The following NOL4 variants were observed in gnomAD, a reference collection of about 807,000 sequenced individuals.
NOL4 encodes the protein nucleolar protein 4.
Under a neutral mutation model 75.9 loss-of-function variants are expected in NOL4, and 17 were observed. That is an observed-to-expected ratio of 0.22 (90% CI 0.15 to 0.34). NOL4 has a LOEUF of 0.34. NOL4 is among the 10% of genes least tolerant of loss of function. The probability of loss-of-function intolerance (pLI) is 1.00; values close to 1 mark genes in which losing one functional copy is unlikely to be tolerated. For synonymous variants in NOL4, 292 were observed against 289.9 expected, an observed-to-expected ratio of 1.01 and a Z score of -0.07; for missense variants, 614 against 793.5, an observed-to-expected ratio of 0.77 and a Z score of 2.72.
At chr18:34,186,139 G>A (rs1332619695) in intron 1 of NOL4, among the ~76,000 whole-genome samples, 1 of 152,034 alleles carries the variant, frequency 6.6e-6, no homozygotes, top group African/African-American at 2.4e-5. Flanking sequence ...GTATTATTTA[G>A]CTCAAGTCTG....
intron 8 of NOL4, among the ~76,000 whole-genome samples, chr18:33,945,910 G>A (rs1209132601): frequency 2.0e-5 from 3 of 151,632 alleles, no homozygotes; most frequent in Non-Finnish European, 3.0e-5. Flanking sequence ...AATTGCAAAA[G>A]GACAAATTGA....
chr18:34,001,467 G>A (rs1600210971), intron 6 of NOL4, among the ~76,000 whole-genome samples: 1 of 152,094 alleles, frequency 6.6e-6, no homozygotes, highest in East Asian at 1.9e-4. Context: ...TAGAAATTGT[G>A]CTAAATATTA....
intron 5 of NOL4, among the ~76,000 whole-genome samples, chr18:34,056,335 C>T (rs186218830): frequency 4.2e-4 from 64 of 152,256 alleles, no homozygotes; most frequent in African/African-American, 1.4e-3. Context: ...ACTCTCAAAA[C>T]GTTTCTGAGG....
At chr18:33,902,935 T>C (rs1009586269) in intron 9 of NOL4, among the ~76,000 whole-genome samples, 5 of 152,174 alleles carry the variant, frequency 3.3e-5, no homozygotes, top group African/African-American at 1.2e-4. Context: ...ATTATCACAT[T>C]TGGTTAAATG....
chr18:34,032,950 G>T (rs2075712953), intron 5 of NOL4, among the ~76,000 whole-genome samples: 1 of 152,134 alleles, frequency 6.6e-6, no homozygotes, highest in Non-Finnish European at 1.5e-5. Flanking sequence ...TACTGATGAT[G>T]TTTACAGTCA....
rs189394681 is a variant in NOL4, at chr18:34,058,535, A to C, written c.772+34930T>G. On this transcript the variant is annotated intron_variant, in intron 5 of 10. Coordinates refer to ENST00000261592, the MANE Select transcript of NOL4 (RefSeq NM_003787.5). Reference sequence around the variant, plus strand: ...CTGCTGGCTTTCATGTCTTGAGTAAACTTTACTGGAAAAACCCTCACAGAC... The same window carrying C: ...CTGCTGGCTTTCATGTCTTGAGTAACCTTTACTGGAAAAACCCTCACAGAC... Among the ~76,000 whole-genome samples the C allele has an allele frequency of 3.9e-5, 6 of 152,168 alleles. No homozygotes were observed. The East Asian group carries it at 1.2e-3, about 29-fold the overall frequency.
chr18:34,192,519 A>C (rs1840720451), intron 1 of NOL4, among the ~76,000 whole-genome samples: 1 of 152,190 alleles, frequency 6.6e-6, no homozygotes, highest in African/African-American at 2.4e-5. Context: ...AGACACACAG[A>C]CCAACAGAGC....
intron 1 of NOL4, among the ~76,000 whole-genome samples, chr18:34,222,647 C>T (rs907893888): frequency 6.6e-6 from 1 of 152,202 alleles, no homozygotes; most frequent in Admixed American, 6.5e-5. Flanking sequence ...GCCAGGCGCC[C>T]AGAGAAGGAC....
At chr18:33,930,770 G>T (rs1599907234) in intron 9 of NOL4, among the ~76,000 whole-genome samples, 1 of 152,026 alleles carries the variant, frequency 6.6e-6, no homozygotes, top group East Asian at 1.9e-4. Flanking sequence ...ATATCAAACA[G>T]AAATTTAATT....
chr18:34,083,110 A>G (rs1044972643), intron 5 of NOL4, among the ~76,000 whole-genome samples: 1 of 152,182 alleles, frequency 6.6e-6, no homozygotes, highest in Non-Finnish European at 1.5e-5. Flanking sequence ...GTCTTTATAT[A>G]TACACATACC....
At chr18:34,017,527 T>TA (rs1237211752) in intron 6 of NOL4, among the ~76,000 whole-genome samples, 2 of 152,150 alleles carry the variant, frequency 1.3e-5, no homozygotes, top group African/African-American at 4.8e-5. Flanking sequence ...TTAGCTCTAG[T>TA]ACTCCTGCCG....
At chr18:34,025,675 T>G (rs1411098401) in intron 5 of NOL4, among the ~76,000 whole-genome samples, 1 of 152,218 alleles carries the variant, frequency 6.6e-6, no homozygotes, top group Non-Finnish European at 1.5e-5. Flanking sequence ...AGAAAAATGT[T>G]ACTTCAACTA....
At chr18:33,995,285 A>T (rs902231696) in intron 6 of NOL4, among the ~76,000 whole-genome samples, 1 of 151,576 alleles carries the variant, frequency 6.6e-6, no homozygotes, top group South Asian at 2.1e-4. Flanking sequence ...TGATACCAAA[A>T]CCAGCTACAG....
chr18:34,194,111 A>G (rs115396434), intron 1 of NOL4, among the ~76,000 whole-genome samples: 1,561 of 152,290 alleles, frequency 0.01, 28 homozygotes, highest in African/African-American at 0.036. Context: ...TAAAGGATAC[A>G]AAATTTCACT....
chr18:33,868,403 G>A (rs1374953065), intron 10 of NOL4, among the ~76,000 whole-genome samples: 1 of 151,712 alleles, frequency 6.6e-6, no homozygotes, highest in Admixed American at 6.6e-5. Context: ...CATATGTTGG[G>A]CATCTTATAG....
chr18:34,096,021 G>T (rs992755894), intron 4 of NOL4, among the ~76,000 whole-genome samples: 10 of 152,050 alleles, frequency 6.6e-5, no homozygotes, highest in African/African-American at 2.4e-4. Flanking sequence ...AAATATTCAA[G>T]TCACAGCCTC....
chr18:33,913,170 A>G (rs565569703), intron 9 of NOL4, among the ~76,000 whole-genome samples: 121 of 151,782 alleles, frequency 8.0e-4, no homozygotes, highest in African/African-American at 2.8e-3. Context: ...TCTTTCCATC[A>G]ACATTGCATG....
chr18:33,891,074 T>C (rs919159441), intron 9 of NOL4, among the ~76,000 whole-genome samples: 1 of 151,598 alleles, frequency 6.6e-6, no homozygotes, highest in Non-Finnish European at 1.5e-5. Flanking sequence ...ATATATTATA[T>C]GATTACACAT....
intron 1 of NOL4, among the ~76,000 whole-genome samples, chr18:34,160,301 GAAT>G (rs2031263193): frequency 6.6e-6 from 1 of 151,972 alleles, no homozygotes; most frequent in Non-Finnish European, 1.5e-5. Flanking sequence ...TCCTCCTCTT[GAAT>G]AATGTTTAAT....
Sources: gnomAD v4.1 joint callset for allele counts (sites outside exome capture counted in the v4.1 genomes callset) on GRCh38, gnomAD v4.1.1 for gene constraint, MANE v1.5 for transcripts, NCBI Gene and HGNC (gene_info 2026-07-23, HGNC 2026-07-21) for gene names.